The following RELN variants were observed in gnomAD, a reference collection of about 807,000 sequenced individuals.
RELN encodes the protein reelin.
In RELN, 108 loss-of-function variants were observed where a neutral mutation model predicts 427.6. The ratio of observed to expected loss-of-function variants is 0.25; its 90% confidence interval spans 0.22 to 0.30. The LOEUF (loss-of-function observed/expected upper bound fraction) is 0.30, where lower values mean the gene tolerates loss of function less well. Among genes scored for constraint, RELN ranks in the 10% least tolerant of loss-of-function variants. RELN has a pLI of 1.00. For missense variants in RELN, 3,715 were observed against 4,302.8 expected (o/e 0.86, Z 3.82); for synonymous variants, 1,524 against 1,513.4 (o/e 1.01, Z -0.16).
chr7:103,832,606 C>A (rs575276826), intron 3 of RELN, among the ~76,000 whole-genome samples: 1 of 152,208 alleles, frequency 6.6e-6, no homozygotes, highest in Non-Finnish European at 1.5e-5. Flanking sequence ...ATGGTGACTG[C>A]AGGGTGAATG....
At chr7:103,492,783 A>G (rs1584227464) in intron 57 of RELN, among the ~76,000 whole-genome samples, 1 of 152,220 alleles carries the variant, frequency 6.6e-6, no homozygotes, top group Admixed American at 6.5e-5. Flanking sequence ...TTAGAAAATA[A>G]TCAGATAGAT....
intron 2 of RELN, among the ~76,000 whole-genome samples, chr7:103,881,876 C>T (rs1451595734): frequency 6.6e-6 from 1 of 152,080 alleles, no homozygotes; most frequent in African/African-American, 2.4e-5. Flanking sequence ...ATACAAAACA[C>T]CCCCAAGCCC....
At chr7:103,578,203 G>C (rs1831046831) in intron 28 of RELN, among the ~76,000 whole-genome samples, 1 of 152,122 alleles carries the variant, frequency 6.6e-6, no homozygotes, top group Non-Finnish European at 1.5e-5. Flanking sequence ...GCCAGAGTGA[G>C]GAGGTATCCT....
At chr7:103,615,445 G>A (rs1832058340) in intron 20 of RELN, among the ~76,000 whole-genome samples, 1 of 152,140 alleles carries the variant, frequency 6.6e-6, no homozygotes, top group African/African-American at 2.4e-5. Flanking sequence ...TCCACAGGGA[G>A]GGATCATACC....
chr7:103,980,147 C>A (rs1475577645), intron 1 of RELN, among the ~76,000 whole-genome samples: 1 of 145,054 alleles, frequency 6.9e-6, no homozygotes, highest in Non-Finnish European at 1.5e-5. Context: ...ACAACAAGAG[C>A]GAAACTCTGT....
At chr7:103,770,446 T>C (rs1791538652) in intron 4 of RELN, among the ~76,000 whole-genome samples, 1 of 152,028 alleles carries the variant, frequency 6.6e-6, no homozygotes, top group Non-Finnish European at 1.5e-5. Context: ...GCCCCATGGT[T>C]CCCCCATGGT....
At chr7:103,489,936 G>C in intron 59 of RELN, 37 bp from the exon 60 acceptor site, 3 of 1,612,736 alleles carry the variant, frequency 1.9e-6, no homozygotes, top group Non-Finnish European at 2.5e-6. Flanking sequence ...GATTCAGTAG[G>C]TTGTTACTTC....
intron 2 of RELN, among the ~76,000 whole-genome samples, chr7:103,857,380 A>G (rs562232922): frequency 2.6e-5 from 4 of 152,326 alleles, no homozygotes; most frequent in Admixed American, 2.6e-4. Flanking sequence ...AAGCTCACCC[A>G]TAGTCTCCAG....
At chr7:103,574,556 C>T (rs569084335) in intron 29 of RELN, among the ~76,000 whole-genome samples, 1 of 152,260 alleles carries the variant, frequency 6.6e-6, no homozygotes, top group East Asian at 1.9e-4. Flanking sequence ...CATACCTTTT[C>T]GTAGTTCCTG....
At chr7:103,510,774 G>T in intron 51 of RELN, 77 bp downstream of exon 51, 1 of 1,196,274 alleles carries the variant, frequency 8.4e-7, no homozygotes, top group Non-Finnish European at 1.2e-6. Flanking sequence ...TGAAATATTA[G>T]ATCATCTTTT....
rs149613347 is a variant in RELN at position 103,495,752 on chromosome 7, T to C, written c.9340A>G (p.Ile3114Val). 402 of 1,614,002 alleles carry C rather than the reference T, an allele frequency of 2.5e-4. 2 individuals are homozygous for C. The highest frequency in any genetic ancestry group is 5.5e-5 in the Non-Finnish European group (65 of 1,180,022). ...HNALSSRELI[I>V]QPGYMMQFKI... ...AACTGCATCATGTATCCTGGCTGTATAATGAGTTCTCGGGAGGAGAGAGCA... is the reference window on the plus strand; with the variant it reads ...AACTGCATCATGTATCCTGGCTGTACAATGAGTTCTCGGGAGGAGAGAGCA... Residue 3114 changes from isoleucine to valine, a missense_variant, in exon 57 of 65, where the codon ATA (isoleucine) becomes GTA (valine). Physicochemically the swap from Ile to Val is conservative, Grantham distance 29. Transcript: ENST00000428762.
At position 103,594,476 on chromosome 7, in the gene RELN, G is replaced by A; in HGVS notation, c.3556C>T (p.Leu1186Phe). 1 of 1,613,840 alleles carries A rather than the reference G, an allele frequency of 6.2e-7. No homozygotes were observed. The highest frequency in any genetic ancestry group is 1.3e-5 in the African/African-American group (1 of 75,012). The change falls in exon 26 of 65, where the codon CTT (leucine) becomes TTT (phenylalanine). Residue 1186 changes from leucine (L) to phenylalanine (F), a missense_variant. Leu to Phe is a conservative substitution (Grantham distance 22, BLOSUM62 0). Coordinates refer to ENST00000428762, the MANE Select transcript of RELN (RefSeq NM_005045.4). ...FSKPRFVYLE[L>F]PAAAKTPCTR... ...CAAGGGGTCTTGGCAGCAGCTGGAA[G>A]CTCCAGATAGACAAATCTGAATAAA... is the stretch of plus-strand genomic sequence containing the variant.
chr7:103,643,483 A>C (rs1832734676), intron 16 of RELN, among the ~76,000 whole-genome samples: 1 of 152,000 alleles, frequency 6.6e-6, no homozygotes, highest in Non-Finnish European at 1.5e-5. Context: ...TGAATTTGTC[A>C]GCCTCCTTCT....
chr7:103,970,090 C>T (rs1796733713), intron 1 of RELN, among the ~76,000 whole-genome samples: 2 of 152,164 alleles, frequency 1.3e-5, no homozygotes, highest in Non-Finnish European at 2.9e-5. Flanking sequence ...AACAAGGCTG[C>T]CTTCTTCTTT....
chr7:103,650,580 G>T (rs776303572), intron 15 of RELN, among the ~76,000 whole-genome samples, 197 bp from the exon 16 acceptor site: 6 of 152,088 alleles, frequency 3.9e-5, no homozygotes, highest in South Asian at 2.1e-4. Flanking sequence ...TCCACGGTAT[G>T]CCAGAGCAAT....
At chr7:103,942,713 A>G (rs1346365912) in intron 1 of RELN, among the ~76,000 whole-genome samples, 1 of 152,170 alleles carries the variant, frequency 6.6e-6, no homozygotes. Flanking sequence ...AGAGGTTGAG[A>G]CCATCCTGGC....
At chr7:103,504,754 A>C (rs955403551) in intron 51 of RELN, among the ~76,000 whole-genome samples, 1 of 152,156 alleles carries the variant, frequency 6.6e-6, no homozygotes, top group Admixed American at 6.5e-5. Context: ...CAACTGGCAG[A>C]CCAGGACATT....
At position 103,551,192 on chromosome 7, in the gene RELN, G is replaced by A. The variant is rs1830402548; in HGVS notation, c.6177C>T (p.Tyr2059=). 6.2e-7 allele frequency: 1 copy of A among 1,614,156 alleles called. No homozygotes were observed. The highest frequency in any genetic ancestry group is 8.5e-7 in the Non-Finnish European group (1 of 1,180,036). Residue 2059 remains tyrosine, a synonymous_variant, in exon 41 of 65, where the codon TAC becomes TAT. Transcript: ENST00000428762. The part of the protein sequence containing the change: ...ATWHLLLPLC[Y]HSSSHVSSLC... ...AAGAGCTGACGTGGCTGCTGCTGTG[G>A]TAGCAGAGGGGCAGCAGAAGGTGCC...
chr7:103,728,057 A>G, intron 7 of RELN, 54 bp downstream of exon 7: 2 of 1,578,982 alleles, frequency 1.3e-6, no homozygotes, highest in Non-Finnish European at 8.7e-7. Flanking sequence ...TTTGTTGGCA[A>G]AAAGCTCAGT....
Sources: allele counts gnomAD v4.1 joint callset (sites outside exome capture counted in the v4.1 genomes callset), GRCh38; gene constraint gnomAD v4.1.1; transcripts MANE v1.5; gene names NCBI Gene and HGNC (gene_info 2026-07-23, HGNC 2026-07-21).